The following QKI variants were observed in gnomAD, a reference collection of about 807,000 sequenced individuals.
The protein encoded by QKI is QKI, KH domain containing RNA binding.
QKI carries 10 observed loss-of-function variants against 39.0 expected under a neutral mutation model. The ratio of observed to expected loss-of-function variants is 0.26; its 90% confidence interval spans 0.16 to 0.43. QKI has a LOEUF of 0.43. Ranked by LOEUF, QKI falls within the 20% of genes least tolerant of loss-of-function variation. The pLI is 1.00. For synonymous variants in QKI, 204 were observed against 155.4 expected (o/e 1.31, Z -2.33); for missense variants, 218 against 428.0 (o/e 0.51, Z 4.33).
chr6:163,426,020 A>C (rs925878254), intron 1 of QKI, among the ~76,000 whole-genome samples: 1 of 152,174 alleles, frequency 6.6e-6, no homozygotes, highest in African/African-American at 2.4e-5. Flanking sequence ...ATCCCTAGAG[A>C]GATACATATT....
chr6:163,509,425 T>G (rs1779299327), intron 3 of QKI, among the ~76,000 whole-genome samples: 1 of 151,880 alleles, frequency 6.6e-6, no homozygotes, highest in Admixed American at 6.6e-5. Flanking sequence ...AACCATTTTT[T>G]TTGCTCCTTC....
At chr6:163,565,722 A>G (rs924323886) in intron 6 of QKI, 9 of 1,216,796 alleles carry the variant, frequency 7.4e-6, no homozygotes, top group Middle Eastern at 3.3e-4. Flanking sequence ...GATATTGACC[A>G]CTTGGAGAAC....
rs145993180 is a variant in QKI at position 163,488,796 on chromosome 6, C to T, written c.402+9900C>T. 4.9e-3 allele frequency among the ~76,000 whole-genome samples: 749 copies of T among 152,208 alleles called. 7 individuals carry two copies. The highest frequency in any genetic ancestry group is 0.017 in the African/African-American group (710 of 41,550). On this transcript the variant is annotated intron_variant, in intron 3 of 7. Transcript: ENST00000361752. ...CTTGATTTTCTAGTTGTGGAAATTG[C>T]ATAAAATATTTTCCTGTTTTCTACC...
At chr6:163,510,860 A>C (rs1398544032) in intron 3 of QKI, among the ~76,000 whole-genome samples, 1 of 109,378 alleles carries the variant, frequency 9.1e-6, no homozygotes, top group Non-Finnish European at 2.3e-5. Context: ...TTTTAATGTA[A>C]CTCTTTCAGC....
chr6:163,480,388 G>A (rs1207051564), intron 3 of QKI, among the ~76,000 whole-genome samples: 2 of 151,968 alleles, frequency 1.3e-5, no homozygotes, highest in African/African-American at 2.4e-5. Flanking sequence ...TGGAACTTAC[G>A]GAATGAATAC....
chr6:163,459,506 C>T (rs150005582), intron 2 of QKI, among the ~76,000 whole-genome samples: 2 of 152,066 alleles, frequency 1.3e-5, no homozygotes, highest in East Asian at 3.8e-4. Context: ...GTTGAGAAAC[C>T]CTGCGTTAGT....
intron 1 of QKI, among the ~76,000 whole-genome samples, chr6:163,427,697 G>A (rs919541087): frequency 2.6e-5 from 4 of 152,016 alleles, no homozygotes; most frequent in Non-Finnish European, 4.4e-5. Context: ...GCGCGTGTGT[G>A]TGTGATGGCA....
intron 4 of QKI, among the ~76,000 whole-genome samples, chr6:163,539,260 C>T (rs1299631393): frequency 1.3e-5 from 2 of 152,092 alleles, no homozygotes; most frequent in African/African-American, 4.8e-5. Flanking sequence ...AAGAGGAAAT[C>T]ATCAGCCATT....
At chr6:163,530,605 G>T (rs933867239) in intron 3 of QKI, among the ~76,000 whole-genome samples, 2 of 152,198 alleles carry the variant, frequency 1.3e-5, no homozygotes, top group Non-Finnish European at 2.9e-5. Context: ...ATGGACTACA[G>T]TAGAATGAAT....
chr6:163,503,338 C>T (rs1378297466), intron 3 of QKI, among the ~76,000 whole-genome samples: 1 of 152,036 alleles, frequency 6.6e-6, no homozygotes, highest in Non-Finnish European at 1.5e-5. Context: ...CTGCATGTGG[C>T]TAGCCAGCTC....
At chr6:163,532,436 T>A (rs975503983) in intron 3 of QKI, among the ~76,000 whole-genome samples, 1 of 152,232 alleles carries the variant, frequency 6.6e-6, no homozygotes, top group Non-Finnish European at 1.5e-5. Flanking sequence ...TATGCCAGAC[T>A]TTTACCTTGT....
At chr6:163,443,553 C>A (rs567352469) in intron 1 of QKI, among the ~76,000 whole-genome samples, 1 of 151,878 alleles carries the variant, frequency 6.6e-6, no homozygotes, top group East Asian at 1.9e-4. Flanking sequence ...GGCGAGACTC[C>A]GTCTCAAAAC....
chr6:163,467,994 T>C (rs1212662206), intron 2 of QKI, among the ~76,000 whole-genome samples: 1 of 152,212 alleles, frequency 6.6e-6, no homozygotes, highest in Non-Finnish European at 1.5e-5. Flanking sequence ...TCATTCTGTA[T>C]TTTTAATTAA....
chr6:163,545,172 G>A (rs117625860), intron 4 of QKI, among the ~76,000 whole-genome samples: 229 of 152,126 alleles, frequency 1.5e-3, no homozygotes, highest in Non-Finnish European at 2.7e-3. Context: ...AAATGATGGC[G>A]GAGAAAAGCA....
intron 2 of QKI, among the ~76,000 whole-genome samples, chr6:163,473,960 C>T (rs1583051819): frequency 6.6e-6 from 1 of 151,864 alleles, no homozygotes; most frequent in Non-Finnish European, 1.5e-5. Context: ...AAACAATTTG[C>T]TCAAGTTGAT....
chr6:163,513,677 T>C (rs1229226252), intron 3 of QKI, among the ~76,000 whole-genome samples: 3 of 152,158 alleles, frequency 2.0e-5, no homozygotes, highest in Admixed American at 1.3e-4. Context: ...ACTATTCTCC[T>C]CTAGAATTTC....
At chr6:163,541,767 TA>T (rs2128243205) in intron 4 of QKI, among the ~76,000 whole-genome samples, 1 of 152,130 alleles carries the variant, frequency 6.6e-6, no homozygotes, top group African/African-American at 2.4e-5. Flanking sequence ...TTCCTTCTTT[TA>T]ATTTTGAGGT....
chr6:163,479,087 A>G (rs1291524446), intron 3 of QKI, among the ~76,000 whole-genome samples, 191 bp downstream of exon 3: 3 of 151,624 alleles, frequency 2.0e-5, no homozygotes, highest in Non-Finnish European at 2.9e-5. Flanking sequence ...GGAGTTTGAG[A>G]CCACCCTAGC....
At chr6:163,423,395 T>G (rs2128208246) in intron 1 of QKI, 1 of 152,410 alleles carries the variant, frequency 6.6e-6, no homozygotes. Flanking sequence ...GTTTTAGAGC[T>G]GCAGGGGACC....
Sources: gnomAD v4.1 joint callset for allele counts (sites outside exome capture counted in the v4.1 genomes callset) on GRCh38, gnomAD v4.1.1 for gene constraint, MANE v1.5 for transcripts, NCBI Gene and HGNC (gene_info 2026-07-23, HGNC 2026-07-21) for gene names.